The following SORCS3 variants were observed in gnomAD, a reference collection of about 807,000 sequenced individuals.
SORCS3 encodes the protein sortilin related VPS10 domain containing receptor 3, also known as VPS10 domain-containing receptor SorCS3.
A neutral mutation model predicts 146.3 loss-of-function variants in SORCS3; 57 were observed. The observed-to-expected ratio is 0.39, with a 90% CI of 0.31 to 0.49. The LOEUF (loss-of-function observed/expected upper bound fraction) is 0.49, where lower values mean the gene tolerates loss of function less well. SORCS3 is among the 20% of genes least tolerant of loss of function. The probability of loss-of-function intolerance (pLI) is 0.92; values close to 1 mark genes in which losing one functional copy is unlikely to be tolerated. For synonymous variants in SORCS3, 653 were observed against 618.5 expected (o/e 1.06, Z -0.83); for missense variants, 1,341 against 1,575.5 (o/e 0.85, Z 2.52).
At chr10:105,035,616 C>T (rs181955953) in intron 4 of SORCS3, among the ~76,000 whole-genome samples, 12,742 of 151,682 alleles carry the variant, frequency 0.084, 1,533 homozygotes, top group African/African-American at 0.27. Flanking sequence ...TACAGGTGCC[C>T]GCCACCAGGC....
chr10:104,888,486 C>T (rs1288134913), intron 2 of SORCS3, among the ~76,000 whole-genome samples: 2 of 152,142 alleles, frequency 1.3e-5, no homozygotes, highest in Non-Finnish European at 2.9e-5. Flanking sequence ...ACATGTGCTA[C>T]CAATGCAAAG....
At chr10:105,178,749 T>C (rs1418991820) in intron 14 of SORCS3, among the ~76,000 whole-genome samples, 2 of 152,200 alleles carry the variant, frequency 1.3e-5, no homozygotes. Context: ...CATGTGTACA[T>C]GGTGAGTGGG....
chr10:104,879,644 C>T (rs1332286189), intron 2 of SORCS3, among the ~76,000 whole-genome samples: 1 of 152,198 alleles, frequency 6.6e-6, no homozygotes, highest in Non-Finnish European at 1.5e-5. Context: ...AGCCCATTGA[C>T]TGCCTTTGTG....
intron 1 of SORCS3, among the ~76,000 whole-genome samples, chr10:104,687,416 C>G (rs2016057767): frequency 6.6e-6 from 1 of 152,152 alleles, no homozygotes; most frequent in Admixed American, 6.5e-5. Flanking sequence ...GCTGAGCTTC[C>G]TTTAATGATG....
chr10:105,133,354 A>G (rs1180446425), intron 7 of SORCS3, among the ~76,000 whole-genome samples: 1 of 151,968 alleles, frequency 6.6e-6, no homozygotes, highest in Non-Finnish European at 1.5e-5. Context: ...ATAAATATTG[A>G]CCCCCTGCTG....
chr10:104,947,046 G>A (rs772563028), intron 3 of SORCS3, among the ~76,000 whole-genome samples: 1 of 152,080 alleles, frequency 6.6e-6, no homozygotes, highest in Non-Finnish European at 1.5e-5. Flanking sequence ...GATTGAGAGA[G>A]TAGATGGCAG....
rs1374782429 is a variant in SORCS3 at position 105,237,692 on chromosome 10, G to T, written c.2869-7850G>T. ...AGTGCCGTGATTTTAGAGCTGTTTGGTTCCCTTTGACCAGCAAACTGACCT... is the reference window on the plus strand; with the variant it reads ...AGTGCCGTGATTTTAGAGCTGTTTGTTTCCCTTTGACCAGCAAACTGACCT... On this transcript the variant is annotated intron_variant, in intron 20 of 26. Coordinates refer to ENST00000369701, the MANE Select transcript of SORCS3 (RefSeq NM_014978.3). Among the ~76,000 whole-genome samples, 4 of 152,130 alleles carry T rather than the reference G, an allele frequency of 2.6e-5. No homozygotes were observed. The East Asian group carries it at 7.7e-4, about 29-fold the overall frequency.
intron 13 of SORCS3, among the ~76,000 whole-genome samples, chr10:105,169,397 T>G (rs971065319): frequency 1.3e-5 from 2 of 151,108 alleles, no homozygotes; most frequent in African/African-American, 4.8e-5. Flanking sequence ...GCTGGAATAC[T>G]GAAGCCTGGT....
intron 1 of SORCS3, among the ~76,000 whole-genome samples, chr10:104,769,965 A>C (rs1002884384): frequency 6.6e-6 from 1 of 152,178 alleles, no homozygotes; most frequent in Non-Finnish European, 1.5e-5. Context: ...CCCGAGAGCG[A>C]AACAGGCTCC....
At chr10:104,985,733 A>G (rs143604118) in intron 4 of SORCS3, among the ~76,000 whole-genome samples, 1 of 152,210 alleles carries the variant, frequency 6.6e-6, no homozygotes, top group East Asian at 1.9e-4. Flanking sequence ...GAAAATAACA[A>G]TCTATTTGTA....
Position 105,264,886 on chromosome 10 carries a change from T to C in SORCS3, c.*1512T>C, listed in dbSNP as rs1207985557. The C allele has an allele frequency of 6.6e-6, 1 of 152,614 alleles. No individual in the cohort carries two copies. The highest frequency in any genetic ancestry group is 6.5e-5 in the Admixed American group (1 of 15,280). 9.5% of individuals were successfully genotyped at this position (152,614 alleles called of 1,614,324 possible). ...ATTTTTGAAAATGATATAATGTATA[T>C]ATATGGGAGGAAAGGCCACATTTTG... is the stretch of plus-strand genomic sequence containing the variant. On this transcript the variant is annotated 3_prime_UTR_variant, in exon 27 of 27. Coordinates refer to ENST00000369701, the MANE Select transcript of SORCS3 (RefSeq NM_014978.3).
chr10:105,092,498 C>T (rs60251153), intron 6 of SORCS3, among the ~76,000 whole-genome samples: 2 of 151,800 alleles, frequency 1.3e-5, no homozygotes, highest in Non-Finnish European at 2.9e-5. Context: ...AAGTACACAT[C>T]GCAAAACTGC....
chr10:105,099,848 A>T (rs181786275), intron 6 of SORCS3, among the ~76,000 whole-genome samples: 3 of 152,280 alleles, frequency 2.0e-5, no homozygotes, highest in Admixed American at 1.3e-4. Flanking sequence ...AGGCATATTC[A>T]TTTGTGAACA....
At chr10:104,983,110 G>A (rs2054941085) in intron 4 of SORCS3, among the ~76,000 whole-genome samples, 1 of 151,942 alleles carries the variant, frequency 6.6e-6, no homozygotes, top group Non-Finnish European at 1.5e-5. Context: ...AGCGATTCTT[G>A]GGTTCAAGCC....
intron 3 of SORCS3, among the ~76,000 whole-genome samples, chr10:104,919,477 G>A (rs1036063526): frequency 6.6e-6 from 1 of 152,020 alleles, no homozygotes; most frequent in African/African-American, 2.4e-5. Flanking sequence ...GATCACCTGA[G>A]GTCGGGAGTT....
intron 7 of SORCS3, among the ~76,000 whole-genome samples, chr10:105,129,588 T>A (rs1208087165): frequency 1.3e-5 from 2 of 151,900 alleles, no homozygotes; most frequent in Non-Finnish European, 2.9e-5. Flanking sequence ...GACACTAGGA[T>A]GATAATGATA....
intron 1 of SORCS3, among the ~76,000 whole-genome samples, chr10:104,800,849 T>A (rs1359138591): frequency 6.6e-6 from 1 of 152,166 alleles, no homozygotes; most frequent in African/African-American, 2.4e-5. Context: ...GGCAGATCAT[T>A]GAGCAAACAC....
At chr10:104,716,331 A>G (rs2016478380) in intron 1 of SORCS3, among the ~76,000 whole-genome samples, 1 of 152,208 alleles carries the variant, frequency 6.6e-6, no homozygotes, top group Non-Finnish European at 1.5e-5. Flanking sequence ...TTTGTTGACT[A>G]CATGAAAGAA....
At chr10:104,898,667 C>G (rs1390911267) in intron 2 of SORCS3, among the ~76,000 whole-genome samples, 2 of 152,180 alleles carry the variant, frequency 1.3e-5, no homozygotes, top group African/African-American at 2.4e-5. Flanking sequence ...GTGATAGATG[C>G]CACTTTCATA....
Sources: allele counts gnomAD v4.1 joint callset (sites outside exome capture counted in the v4.1 genomes callset), GRCh38; gene constraint gnomAD v4.1.1; transcripts MANE v1.5; gene names NCBI Gene and HGNC (gene_info 2026-07-23, HGNC 2026-07-21).